Variants in CFAP251 observed in about 807,000 individuals in gnomAD.
CFAP251 encodes cilia- and flagella-associated protein 251.
CFAP251 carries 93 observed loss-of-function variants against 126.7 expected under a neutral mutation model. That is an observed-to-expected ratio of 0.73 (90% CI 0.62 to 0.87). The LOEUF (loss-of-function observed/expected upper bound fraction) is 0.87, where lower values mean the gene tolerates loss of function less well. CFAP251 is among the 40% of genes least tolerant of loss of function. The probability of loss-of-function intolerance (pLI) is 0.00; values close to 1 mark genes in which losing one functional copy is unlikely to be tolerated. For synonymous variants in CFAP251, 503 were observed against 506.9 expected (o/e 0.99, Z 0.10); for missense variants, 1,287 against 1,389.2 (o/e 0.93, Z 1.17).
intron 19 of CFAP251, among the ~76,000 whole-genome samples, chr12:121,990,174 C>T (rs1317760383): frequency 6.6e-6 from 1 of 152,240 alleles, no homozygotes; most frequent in Non-Finnish European, 1.5e-5. Flanking sequence ...AGTTCACACC[C>T]GAATGGGCAG....
In CFAP251 at chr12:121,967,079, C is replaced by T; in HGVS notation, c.2607+10C>T. On this transcript the variant is annotated intron_variant, in intron 16 of 21. Coordinates refer to ENST00000288912, the MANE Select transcript of CFAP251 (RefSeq NM_144668.6). ...TATTAACAGAGACAAGGTAACAGCG[C>T]TCTCTTCTCCAGTTCTGGGAGTTGA... is the stretch of plus-strand genomic sequence containing the variant. 6.2e-7 allele frequency: 1 copy of T among 1,608,594 alleles called. No homozygotes were observed. Among genetic ancestry groups the T allele is most frequent in the Non-Finnish European group, 8.5e-7 (1 of 1,174,964 alleles).
At chr12:121,953,951 A>G in intron 9 of CFAP251, 169 bp from the exon 10 acceptor site, 1 of 660,924 alleles carries the variant, frequency 1.5e-6, no homozygotes, top group Non-Finnish European at 2.5e-6. Flanking sequence ...CCAGAGGTTC[A>G]GAACTGCCTG....
At chr12:121,950,956 C>A (rs183806899) in intron 8 of CFAP251, 2 of 152,028 alleles carry the variant, frequency 1.3e-5, no homozygotes, top group Admixed American at 6.5e-5. Context: ...CAGTGGCTCA[C>A]GCCTGTAATC....
intron 19 of CFAP251, among the ~76,000 whole-genome samples, chr12:121,987,009 T>A (rs1319656392): frequency 6.6e-6 from 1 of 152,186 alleles, no homozygotes; most frequent in African/African-American, 2.4e-5. Context: ...TGTGCTAATC[T>A]TCATGGCTAA....
chr12:121,941,330 C>CTTTT lies in CFAP251; in HGVS notation c.999-1186_999-1183dup, dbSNP rs68005842. On this transcript the variant is annotated intron_variant, in intron 5 of 21. Transcript: ENST00000288912. ...TACAGGTGTGAGCCACCATGCTGGC[C>CTTTT]TTTTTTTTTTTTTTTTTTTTTGAGG... is the stretch of plus-strand genomic sequence containing the variant. Among the ~76,000 whole-genome samples the CTTTT allele has an allele frequency of 2.0e-3, 174 of 87,662 alleles. 6 individuals are homozygous for CTTTT. Among genetic ancestry groups the CTTTT allele is most frequent in the African/African-American group, 5.9e-3 (113 of 19,106 alleles). 57.5% of individuals were successfully genotyped at this position (87,662 alleles called of 152,430 possible). A position where few individuals can be genotyped will look rare whatever the true frequency, so the allele number is the denominator to read the frequency against.
chr12:121,998,479 A>G (rs1313200781), intron 19 of CFAP251: 3 of 65,930 alleles, frequency 4.6e-5, no homozygotes, highest in African/African-American at 1.7e-4. Flanking sequence ...ATATATATAT[A>G]TATATATATG....
Position 122,001,616 on chromosome 12 carries a change from G to A in CFAP251, c.3337+18G>A, listed in dbSNP as rs755030414. On this transcript the variant is annotated intron_variant, in intron 21 of 21. Transcript: ENST00000288912. The stretch of plus-strand genomic sequence containing the variant: ...CGTCAAAGGTACCCCAGCTGGCTTT[G>A]TCTGGGCATGTAGCTGTGGCTCACT... 7 of 1,594,842 alleles carry A rather than the reference G, an allele frequency of 4.4e-6. No homozygotes were observed. In the South Asian group the frequency reaches 5.5e-5, roughly 13 times the overall value.
At chr12:121,964,902 TA>T (rs1242672760) in intron 15 of CFAP251, among the ~76,000 whole-genome samples, 2 of 151,764 alleles carry the variant, frequency 1.3e-5, no homozygotes, top group Non-Finnish European at 2.9e-5. Context: ...GACTCTGTCT[TA>T]AAAAAAATAA....
intron 15 of CFAP251, among the ~76,000 whole-genome samples, chr12:121,965,668 A>G (rs1882095696): frequency 1.3e-5 from 2 of 152,350 alleles, no homozygotes; most frequent in African/African-American, 4.8e-5. Flanking sequence ...AAAGCAAATT[A>G]CCAATGAAGC....
At chr12:121,984,292 ATTATTTATTTAT>A (rs760778335) in intron 19 of CFAP251, among the ~76,000 whole-genome samples, 2 of 151,984 alleles carry the variant, frequency 1.3e-5, no homozygotes, top group African/African-American at 2.4e-5. Flanking sequence ...CCTAGAAATC[ATTATTTATTTAT>A]TTATTTATTT....
chr12:121,928,626 GTATATATATACGTATA>G (rs1295119565), intron 3 of CFAP251, among the ~76,000 whole-genome samples: 131 of 43,128 alleles, frequency 3.0e-3, no homozygotes, highest in African/African-American at 0.012. Flanking sequence ...ATGTATATGT[GTATATATATACGTATA>G]TATATATATA....
intron 17 of CFAP251, chr12:121,969,984 T>C: frequency 3.0e-6 from 3 of 983,734 alleles, no homozygotes; most frequent in Non-Finnish European, 3.6e-6. Flanking sequence ...TTCTGGTGAC[T>C]TAATATGATC....
intron 15 of CFAP251, among the ~76,000 whole-genome samples, chr12:121,962,817 G>A (rs1413416020): frequency 6.6e-6 from 1 of 152,150 alleles, no homozygotes; most frequent in African/African-American, 2.4e-5. Context: ...TGAGGGGGAA[G>A]CGAGGGGCTG....
chr12:121,993,686 C>A, intron 19 of CFAP251, among the ~76,000 whole-genome samples: 1 of 146,184 alleles, frequency 6.8e-6, no homozygotes. Context: ...AGGAGCGTCT[C>A]TGCCCGGCCG....
At chr12:121,967,134 T>A (rs1809472415) in intron 16 of CFAP251, 65 bp downstream of exon 16, 2 of 1,444,972 alleles carry the variant, frequency 1.4e-6, no homozygotes, top group Non-Finnish European at 1.9e-6. Context: ...CAGTCATTAC[T>A]GAAGATCACG....
intron 7 of CFAP251, among the ~76,000 whole-genome samples, chr12:121,943,447 C>T (rs1011248608): frequency 6.6e-6 from 1 of 152,102 alleles, no homozygotes; most frequent in African/African-American, 2.4e-5. Context: ...CAGAGTTTCG[C>T]TCTTGTTGCC....
At chr12:121,961,838 A>C in intron 14 of CFAP251, 140 bp from the exon 15 acceptor site, 1 of 801,784 alleles carries the variant, frequency 1.2e-6, no homozygotes, top group African/African-American at 1.7e-5. Context: ...GTCTTCTCTT[A>C]GGAGACCTGA....
intron 3 of CFAP251, among the ~76,000 whole-genome samples, chr12:121,928,085 T>C (rs1160039010): frequency 6.6e-6 from 1 of 152,208 alleles, no homozygotes; most frequent in Non-Finnish European, 1.5e-5. Context: ...AGCCTCGTGG[T>C]GACCCGGGAA....
At chr12:121,954,065 A>G (rs1366071171) in intron 9 of CFAP251, 55 bp from the exon 10 acceptor site, 2 of 1,443,920 alleles carry the variant, frequency 1.4e-6, no homozygotes, top group Non-Finnish European at 1.9e-6. Context: ...GTATTGATAA[A>G]TGCTTTGTTT....
Sources: gnomAD v4.1 joint callset for allele counts (sites outside exome capture counted in the v4.1 genomes callset) on GRCh38, gnomAD v4.1.1 for gene constraint, MANE v1.5 for transcripts, NCBI Gene and HGNC (gene_info 2026-07-23, HGNC 2026-07-21) for gene names.